Variants in CNOT4 observed in about 807,000 individuals in gnomAD.
CNOT4 encodes CCR4-associated factor 4.
CNOT4 carries 8 observed loss-of-function variants against 73.8 expected under a neutral mutation model. That is an observed-to-expected ratio of 0.11 (90% CI 0.06 to 0.20). The LOEUF is 0.20. CNOT4 is among the 10% of genes least tolerant of loss of function. CNOT4 has a pLI of 1.00. For missense variants in CNOT4, 564 were observed against 883.4 expected (o/e 0.64, Z 4.58); for synonymous variants, 293 against 321.1 (o/e 0.91, Z 0.94).
chr7:135,388,466 T>C (rs1235833373), intron 10 of CNOT4: 1 of 991,684 alleles, frequency 1.0e-6, no homozygotes, highest in Non-Finnish European at 1.2e-6. Context: ...TACCTTTGTA[T>C]AATTTTTCAA....
intron 10 of CNOT4, among the ~76,000 whole-genome samples, chr7:135,368,408 T>G (rs757843162): frequency 6.6e-6 from 1 of 152,120 alleles, no homozygotes; most frequent in Non-Finnish European, 1.5e-5. Context: ...ACAGTGTACA[T>G]GAAACACAAA....
At chr7:135,370,922 C>A (rs1178679146) in intron 10 of CNOT4, among the ~76,000 whole-genome samples, 4 of 152,136 alleles carry the variant, frequency 2.6e-5, no homozygotes, top group African/African-American at 9.7e-5. Context: ...AGCAAATATA[C>A]TTTTAAAAAG....
At chr7:135,397,094 T>G (rs1398928312) in intron 8 of CNOT4, among the ~76,000 whole-genome samples, 4 of 152,150 alleles carry the variant, frequency 2.6e-5, no homozygotes, top group Non-Finnish European at 4.4e-5. Context: ...ATCCAAAAAT[T>G]TATATGCCTA....
chr7:135,423,240 T>G (rs976478641), intron 2 of CNOT4, among the ~76,000 whole-genome samples: 4 of 151,874 alleles, frequency 2.6e-5, no homozygotes, highest in Non-Finnish European at 5.9e-5. Flanking sequence ...TAGGGGCACA[T>G]TAAATGCCAT....
At chr7:135,441,871 G>A (rs1799498268) in intron 1 of CNOT4, among the ~76,000 whole-genome samples, 1 of 152,146 alleles carries the variant, frequency 6.6e-6, no homozygotes, top group East Asian at 1.9e-4. Context: ...AGGGACAAAG[G>A]AGAAAGAAAT....
At chr7:135,398,928 A>T (rs951630203) in intron 7 of CNOT4, among the ~76,000 whole-genome samples, 2 of 152,078 alleles carry the variant, frequency 1.3e-5, no homozygotes, top group African/African-American at 4.8e-5. Flanking sequence ...ACTAATCATA[A>T]CCCTAGAGAA....
intron 1 of CNOT4, among the ~76,000 whole-genome samples, chr7:135,483,351 A>T (rs1802513645): frequency 6.6e-6 from 1 of 151,330 alleles, no homozygotes; most frequent in Admixed American, 6.6e-5. Context: ...AAAAAAAATA[A>T]AAATAAAGCA....
chr7:135,464,070 G>A (rs1476280448), intron 1 of CNOT4, among the ~76,000 whole-genome samples: 1 of 145,870 alleles, frequency 6.9e-6, no homozygotes, highest in African/African-American at 2.5e-5. Context: ...GAAGAAAAGG[G>A]AACACTTATA....
chr7:135,463,205 A>T (rs1800984742), intron 1 of CNOT4, among the ~76,000 whole-genome samples: 2 of 152,212 alleles, frequency 1.3e-5, no homozygotes, highest in Non-Finnish European at 2.9e-5. Context: ...AACTAACTGA[A>T]GATGGATTAA....
intron 3 of CNOT4, among the ~76,000 whole-genome samples, chr7:135,417,418 T>G (rs1163356504): frequency 2.6e-5 from 4 of 152,218 alleles, no homozygotes; most frequent in African/African-American, 9.6e-5. Flanking sequence ...CTTTTTCAAA[T>G]TATGTGTGTA....
At chr7:135,447,816 C>T (rs555058544) in intron 1 of CNOT4, among the ~76,000 whole-genome samples, 2 of 152,296 alleles carry the variant, frequency 1.3e-5, no homozygotes, top group South Asian at 2.1e-4. Context: ...CTGGGATGCG[C>T]CCCTCTGGGT....
chr7:135,482,760 G>T (rs1405756731), intron 1 of CNOT4, among the ~76,000 whole-genome samples: 1 of 150,308 alleles, frequency 6.7e-6, no homozygotes, highest in Non-Finnish European at 1.5e-5. Context: ...GCAGGCAGAT[G>T]ACCTGAGGTC....
intron 1 of CNOT4, among the ~76,000 whole-genome samples, chr7:135,480,094 T>C (rs1802273110): frequency 6.6e-6 from 1 of 152,228 alleles, no homozygotes; most frequent in South Asian, 2.1e-4. Flanking sequence ...ATTTTGAAAT[T>C]ATGAGTTTTT....
intron 1 of CNOT4, among the ~76,000 whole-genome samples, chr7:135,498,097 AC>A (rs1433808227): frequency 6.6e-6 from 1 of 152,190 alleles, no homozygotes. Flanking sequence ...TAAAGTAACA[AC>A]CTAGGTCTCA....
intron 2 of CNOT4, among the ~76,000 whole-genome samples, chr7:135,425,153 G>A (rs954425533): frequency 2.6e-5 from 4 of 152,112 alleles, no homozygotes; most frequent in Admixed American, 6.5e-5. Flanking sequence ...AACAGACAGG[G>A]GAAAAGAAAG....
chr7:135,469,768 C>G (rs1801457126), intron 1 of CNOT4, among the ~76,000 whole-genome samples: 1 of 152,226 alleles, frequency 6.6e-6, no homozygotes, highest in East Asian at 1.9e-4. Context: ...AGGGCTTATA[C>G]ATAAATGTTC....
chr7:135,496,012 T>C (rs1366986509), intron 1 of CNOT4, among the ~76,000 whole-genome samples: 1 of 152,188 alleles, frequency 6.6e-6, no homozygotes, highest in Non-Finnish European at 1.5e-5. Flanking sequence ...TCTCTTACAG[T>C]ATACATACAA....
At chr7:135,398,986 T>A (rs1796857567) in intron 7 of CNOT4, among the ~76,000 whole-genome samples, 1 of 152,026 alleles carries the variant, frequency 6.6e-6, no homozygotes, top group African/African-American at 2.4e-5. Flanking sequence ...AACTACTGAT[T>A]CAAACAAAAA....
chr7:135,395,682 A>G lies in CNOT4; in HGVS notation c.1081T>C (p.Ser361Pro). Residue 361 changes from serine (S) to proline (P), a missense_variant, in exon 9 of 12, where the codon TCC (serine) becomes CCC (proline). Transcript: ENST00000541284. ...TCTGGTGCTGTAGGCCAGTCACTGG[A>G]TGTCTGTGGGGAGCTGGGGAAAGGA... ...LPPFPSSPQT[S>P]SDWPTAPEPQ... The G allele has an allele frequency of 6.2e-7, 1 of 1,613,356 alleles. No individual in the cohort carries two copies. Among genetic ancestry groups the G allele is most frequent in the Non-Finnish European group, 8.5e-7 (1 of 1,179,726 alleles).
Sources: allele counts gnomAD v4.1 joint callset (sites outside exome capture counted in the v4.1 genomes callset), GRCh38; gene constraint gnomAD v4.1.1; transcripts MANE v1.5; gene names NCBI Gene and HGNC (gene_info 2026-07-23, HGNC 2026-07-21).